The following UNC5C variants were observed in gnomAD, a reference collection of about 807,000 sequenced individuals.
UNC5C encodes netrin receptor UNC5C.
A neutral mutation model predicts 99.8 loss-of-function variants in UNC5C; 47 were observed. The observed-to-expected ratio is 0.47, with a 90% CI of 0.37 to 0.60. The LOEUF (loss-of-function observed/expected upper bound fraction) is 0.60. Among genes scored for constraint, UNC5C ranks in the 20% least tolerant of loss-of-function variants. The pLI is 0.00. For synonymous variants in UNC5C, 487 were observed against 452.2 expected (o/e 1.08, Z -0.98); for missense variants, 1,062 against 1,165.9 (o/e 0.91, Z 1.30).
intron 1 of UNC5C, among the ~76,000 whole-genome samples, chr4:95,483,004 TATAATAATAATA>T (rs71970821): frequency 0.071 from 7,378 of 103,340 alleles, 387 homozygotes; most frequent in African/African-American, 0.15. Flanking sequence ...AAACTTAAAG[TATAATAATAATA>T]ATAATAATAA....
intron 4 of UNC5C, among the ~76,000 whole-genome samples, chr4:95,271,842 C>T (rs1025810986): frequency 2.0e-5 from 3 of 152,146 alleles, no homozygotes; most frequent in African/African-American, 7.2e-5. Context: ...CAAGTCTGCG[C>T]CCTCGTTCCC....
At chr4:95,372,117 C>T (rs79060179) in intron 1 of UNC5C, among the ~76,000 whole-genome samples, 4,110 of 152,184 alleles carry the variant, frequency 0.027, 161 homozygotes, top group African/African-American at 0.093. Flanking sequence ...ATGCTAATTT[C>T]CTTGAGCTTC....
chr4:95,347,113 T>G (rs186295212), intron 1 of UNC5C, among the ~76,000 whole-genome samples: 1 of 152,130 alleles, frequency 6.6e-6, no homozygotes, highest in East Asian at 1.9e-4. Context: ...CATTTCTATA[T>G]GCCAACAGCA....
At chr4:95,365,007 T>G (rs1318655461) in intron 1 of UNC5C, among the ~76,000 whole-genome samples, 1 of 151,326 alleles carries the variant, frequency 6.6e-6, no homozygotes, top group Non-Finnish European at 1.5e-5. Context: ...AAAAAATAAA[T>G]ATTTAGGTCG....
rs1276119038 is a variant in UNC5C, at chr4:95,548,926, T to C, written c.-69A>G. 1.3e-6 allele frequency: 2 copies of C among 1,579,082 alleles called. No homozygotes were observed. The highest frequency in any genetic ancestry group is 1.7e-6 in the Non-Finnish European group (2 of 1,157,632). On this transcript the variant is annotated 5_prime_UTR_variant, in exon 1 of 16. Transcript: ENST00000453304. ...ACGCGCAAACAGCTGAAAGCCCCACTGGGCAGAAGCTGAATCCGTGCACCG... is the reference window on the plus strand; with the variant it reads ...ACGCGCAAACAGCTGAAAGCCCCACCGGGCAGAAGCTGAATCCGTGCACCG...
chr4:95,395,875 C>T (rs1442497945), intron 1 of UNC5C, among the ~76,000 whole-genome samples: 1 of 152,188 alleles, frequency 6.6e-6, no homozygotes, highest in East Asian at 1.9e-4. Context: ...GGTCCAGTAG[C>T]CTTCAAGCCA....
At chr4:95,469,299 T>C (rs1275862016) in intron 1 of UNC5C, among the ~76,000 whole-genome samples, 1 of 152,186 alleles carries the variant, frequency 6.6e-6, no homozygotes. Context: ...TCCTGTTATC[T>C]TGACATTTAA....
intron 1 of UNC5C, among the ~76,000 whole-genome samples, chr4:95,507,047 A>G (rs1342568552): frequency 1.3e-5 from 2 of 152,040 alleles, no homozygotes; most frequent in African/African-American, 4.8e-5. Context: ...GAAAATCATT[A>G]CAATTTTAGA....
chr4:95,396,223 A>G (rs1745504873), intron 1 of UNC5C, among the ~76,000 whole-genome samples: 1 of 152,148 alleles, frequency 6.6e-6, no homozygotes, highest in South Asian at 2.1e-4. Context: ...GAACACATGA[A>G]TTCAGGATAT....
chr4:95,473,487 C>G (rs1162646700), intron 1 of UNC5C, among the ~76,000 whole-genome samples: 4 of 152,044 alleles, frequency 2.6e-5, no homozygotes, highest in Non-Finnish European at 4.4e-5. Context: ...GAGAAATTTG[C>G]CTGCATTTAT....
intron 3 of UNC5C, among the ~76,000 whole-genome samples, chr4:95,279,847 C>T (rs915939465): frequency 6.6e-6 from 1 of 152,116 alleles, no homozygotes; most frequent in Admixed American, 6.6e-5. Context: ...GATAATTTTT[C>T]CACTGACTGC....
chr4:95,175,387 G>T (rs1736295710), intron 14 of UNC5C, among the ~76,000 whole-genome samples: 1 of 151,824 alleles, frequency 6.6e-6, no homozygotes, highest in South Asian at 2.1e-4. Context: ...GGTACCGGTT[G>T]TTCCTTTCCA....
intron 1 of UNC5C, among the ~76,000 whole-genome samples, chr4:95,511,039 T>C (rs1366977572): frequency 6.6e-6 from 1 of 152,128 alleles, no homozygotes; most frequent in Non-Finnish European, 1.5e-5. Flanking sequence ...CCTGGGGATA[T>C]TGATTCAGAA....
At chr4:95,419,433 C>T (rs1746257696) in intron 1 of UNC5C, among the ~76,000 whole-genome samples, 2 of 152,060 alleles carry the variant, frequency 1.3e-5, no homozygotes. Flanking sequence ...AACCATTTTA[C>T]CTGTGAACAT....
intron 1 of UNC5C, among the ~76,000 whole-genome samples, chr4:95,534,657 CAT>C (rs1722730782): frequency 6.6e-6 from 1 of 152,108 alleles, no homozygotes; most frequent in South Asian, 2.1e-4. Flanking sequence ...ATGATTAACA[CAT>C]ATATGCTTGT....
At chr4:95,202,239 T>TGGCAATAATCACCA (rs748833011) in intron 12 of UNC5C, among the ~76,000 whole-genome samples, 73 of 152,296 alleles carry the variant, frequency 4.8e-4, no homozygotes, top group Admixed American at 1.3e-3. Flanking sequence ...ATAAAATGAA[T>TGGCAATAATCACCA]GGCAATAATC....
intron 1 of UNC5C, among the ~76,000 whole-genome samples, chr4:95,508,886 A>G (rs1381903404): frequency 1.3e-5 from 2 of 151,950 alleles, no homozygotes; most frequent in Non-Finnish European, 1.5e-5. Flanking sequence ...TCTTTCTTCC[A>G]GAAACTATTA....
rs1171870515 is a variant in UNC5C, at chr4:95,400,384, C to CTTTTTTTTTT, written c.125-64763_125-64754dup. ...TTCCACAGCCACAGTGAGATGAATT[C>CTTTTTTTTTT]TTTTTTTTTTTTTTTTTTTTTTTTT... is the stretch of plus-strand genomic sequence containing the variant. On this transcript the variant is annotated intron_variant, in intron 1 of 15. Transcript: ENST00000453304. 9.3e-4 allele frequency among the ~76,000 whole-genome samples: 61 copies of CTTTTTTTTTT among 65,792 alleles called. 9 individuals are homozygous for CTTTTTTTTTT. The highest frequency in any genetic ancestry group is 1.7e-3 in the African/African-American group (28 of 16,790). The allele number at this position is 65,792 out of a possible 152,430, so 43.2% of individuals were successfully genotyped here.
chr4:95,466,120 G>A lies in UNC5C; in HGVS notation c.124+82614C>T, dbSNP rs150034081. The stretch of plus-strand genomic sequence containing the variant: ...AGGGATTTTGAAGATCTCCAAGTAA[G>A]TATGACAATGTATAATTGTCTAAGC... On this transcript the variant is annotated intron_variant, in intron 1 of 15. Transcript: ENST00000453304. Among the ~76,000 whole-genome samples the A allele has an allele frequency of 6.1e-3, 928 of 152,290 alleles. 20 individuals are homozygous for A. The highest frequency in any genetic ancestry group is 0.037 in the Admixed American group (567 of 15,282).
Sources: allele counts gnomAD v4.1 joint callset (sites outside exome capture counted in the v4.1 genomes callset), GRCh38; gene constraint gnomAD v4.1.1; transcripts MANE v1.5; gene names NCBI Gene and HGNC (gene_info 2026-07-23, HGNC 2026-07-21).